PARD3B: variants seen among roughly 807,000 people sequenced by gnomAD.
The protein encoded by PARD3B is partitioning defective 3 homolog B.
PARD3B carries 103 observed loss-of-function variants against 130.2 expected under a neutral mutation model. The ratio of observed to expected loss-of-function variants is 0.79; its 90% CI spans 0.67 to 0.93. PARD3B has a LOEUF of 0.93. PARD3B is among the 40% of genes least tolerant of loss of function. The pLI, the probability that PARD3B is intolerant of heterozygous loss-of-function variation, is 0.00. For synonymous variants in PARD3B, 583 were observed against 553.2 expected (o/e 1.05, Z -0.76); for missense variants, 1,609 against 1,499.2 (o/e 1.07, Z -1.21).
At chr2:204,884,311 A>G (rs1193729971) in intron 2 of PARD3B, among the ~76,000 whole-genome samples, 3 of 152,236 alleles carry the variant, frequency 2.0e-5, no homozygotes, top group African/African-American at 7.2e-5. Context: ...GAAAAGCTTT[A>G]TAATTTGAAT....
rs184891342 is a variant in PARD3B, at chr2:205,238,770, T to G, written c.2141-7008T>G. ...TCACTTAAACCCAGGAGGCAGAGGT[T>G]GCAGTGAGCCAAGATCGCACCATTG... On this transcript the variant is annotated intron_variant, in intron 15 of 22. Transcript: ENST00000406610. Among the ~76,000 whole-genome samples, 239 of 141,548 alleles carry G rather than the reference T, an allele frequency of 1.7e-3. 1 individual carries two copies. The highest frequency in any genetic ancestry group is 2.7e-3 in the Non-Finnish European group (182 of 66,716). The allele number at this position is 141,548 out of a possible 152,430, so 92.9% of individuals were successfully genotyped here. A position where few individuals can be genotyped will look rare whatever the true frequency, so the allele number is the denominator to read the frequency against.
chr2:205,476,023 C>G (rs760910263), intron 20 of PARD3B, among the ~76,000 whole-genome samples: 10 of 152,164 alleles, frequency 6.6e-5, no homozygotes, highest in Admixed American at 1.3e-4. Context: ...CTTGTGATCA[C>G]AGTCGCTGTC....
At chr2:205,310,170 C>T (rs569400072) in intron 18 of PARD3B, among the ~76,000 whole-genome samples, 25 of 150,676 alleles carry the variant, frequency 1.7e-4, no homozygotes, top group Non-Finnish European at 3.4e-4. Flanking sequence ...TTGCAAGCTC[C>T]GCCTCCTGGG....
intron 3 of PARD3B, among the ~76,000 whole-genome samples, chr2:204,977,888 T>C (rs1692329582): frequency 6.6e-6 from 1 of 151,696 alleles, no homozygotes; most frequent in Non-Finnish European, 1.5e-5. Context: ...GAGAAAATTC[T>C]TACATATCTG....
In PARD3B at chr2:205,143,691, G is replaced by T. The variant is rs183067082; in HGVS notation, c.1435-15031G>T. ...TCAGTAGCCCGAGCCAGTATTTTAG[G>T]GCTCTGGAGCCACCTGAACAATCCC... On this transcript the variant is annotated intron_variant, in intron 10 of 22. Coordinates refer to ENST00000406610, the MANE Select transcript of PARD3B (RefSeq NM_001302769.2). Among the ~76,000 whole-genome samples, 4 of 152,202 alleles carry T rather than the reference G, an allele frequency of 2.6e-5. No individual in the cohort carries two copies. In the East Asian group the frequency reaches 7.7e-4, roughly 29 times the overall value.
chr2:205,247,823 G>C (rs2039634578), intron 16 of PARD3B, among the ~76,000 whole-genome samples: 1 of 152,154 alleles, frequency 6.6e-6, no homozygotes, highest in Admixed American at 6.5e-5. Context: ...TAAAACACTA[G>C]AAACGGTTCT....
rs1206390035 is a variant in PARD3B at position 205,440,399 on chromosome 2, A to C, written c.2771A>C (p.Glu924Ala). 5 of 1,613,898 alleles carry C rather than the reference A, an allele frequency of 3.1e-6. No individual in the cohort carries two copies. The highest frequency in any genetic ancestry group is 4.2e-6 in the Non-Finnish European group (5 of 1,179,916). ...RIGAKHQELR[E>A]KQARGLLDYA... is the part of the protein sequence containing the mutation. ...GGAGCAAAACATCAGGAGCTAAGGG[A>C]AAAGCAGGCAAGAGGTCTTCTTGAT... The change falls in exon 20 of 23, where the codon GAA becomes GCA. Residue 924 changes from glutamate (E) to alanine (A), a missense_variant. Physicochemically the swap from Glu to Ala is moderately radical, Grantham distance 107. Coordinates refer to ENST00000406610, the MANE Select transcript of PARD3B (RefSeq NM_001302769.2). This position sits in a 1 kb window ranked among gnomAD's most constrained non-coding sequence, Gnocchi z 4.2.
chr2:205,474,181 A>AAGAT (rs2048946121), intron 20 of PARD3B, among the ~76,000 whole-genome samples: 2 of 152,042 alleles, frequency 1.3e-5, no homozygotes, highest in African/African-American at 4.8e-5. Flanking sequence ...TTATTATTTA[A>AAGAT]AGATATACTT....
intron 2 of PARD3B, among the ~76,000 whole-genome samples, chr2:204,715,395 C>G (rs1289530883): frequency 6.6e-6 from 1 of 151,828 alleles, no homozygotes; most frequent in Non-Finnish European, 1.5e-5. Context: ...TAGATTTCAC[C>G]AGACAAGAAT....
In PARD3B at chr2:205,276,306, T is replaced by C. The variant is rs906767466; in HGVS notation, c.2186-24224T>C. Reference sequence around the variant, plus strand: ...GTGCTGACAGCCTTGGCAAACAACCTAGAGAGAAAATATGTCTTCTGAAAA... The same window carrying C: ...GTGCTGACAGCCTTGGCAAACAACCCAGAGAGAAAATATGTCTTCTGAAAA... On this transcript the variant is annotated intron_variant, in intron 16 of 22. Coordinates refer to ENST00000406610, the MANE Select transcript of PARD3B (RefSeq NM_001302769.2). The surrounding 1 kb of genome is among the most constrained non-coding windows in gnomAD (Gnocchi z 5.0). Among the ~76,000 whole-genome samples the C allele has an allele frequency of 2.0e-5, 3 of 152,194 alleles. No homozygotes were observed. Among genetic ancestry groups the C allele is most frequent in the African/African-American group, 7.2e-5 (3 of 41,452 alleles).
chr2:205,161,131 G>A (rs1335524181), intron 11 of PARD3B, among the ~76,000 whole-genome samples: 3 of 152,056 alleles, frequency 2.0e-5, no homozygotes, highest in South Asian at 2.1e-4. Flanking sequence ...ATGACTTTTC[G>A]GAAATTAAAA....
chr2:205,476,510 G>A (rs144924475), intron 20 of PARD3B, among the ~76,000 whole-genome samples: 287 of 152,208 alleles, frequency 1.9e-3, no homozygotes, highest in African/African-American at 6.5e-3. Context: ...GAAAGTTCTG[G>A]TGCTGTATCC....
At chr2:204,586,880 T>C (rs1397764075) in intron 1 of PARD3B, among the ~76,000 whole-genome samples, 1 of 152,214 alleles carries the variant, frequency 6.6e-6, no homozygotes, top group Non-Finnish European at 1.5e-5. Context: ...TGCTTATGAC[T>C]AAACCTGCTG....
rs114672056 is a variant in PARD3B at position 205,350,906 on chromosome 2, A to G, written c.2630+49205A>G. Among the ~76,000 whole-genome samples the G allele has an allele frequency of 4.0e-3, 605 of 152,306 alleles. 6 individuals carry two copies. The highest frequency in any genetic ancestry group is 6.5e-3 in the Non-Finnish European group (440 of 68,012). On this transcript the variant is annotated intron_variant, in intron 18 of 22. Coordinates refer to ENST00000406610, the MANE Select transcript of PARD3B (RefSeq NM_001302769.2). ...TTGACTTTTCTCGTTTTTAATTATTATTAATACTTAATAGTTAATTACTTA... is the reference window on the plus strand; with the variant it reads ...TTGACTTTTCTCGTTTTTAATTATTGTTAATACTTAATAGTTAATTACTTA...
chr2:205,394,227 T>G (rs1043594893), intron 18 of PARD3B, among the ~76,000 whole-genome samples: 2 of 152,140 alleles, frequency 1.3e-5, no homozygotes, highest in Admixed American at 6.5e-5. Flanking sequence ...GAGGTCTGTG[T>G]GGGGGGTTTT....
At chr2:205,217,866 G>GTA (rs2038017102) in intron 15 of PARD3B, among the ~76,000 whole-genome samples, 1 of 60,918 alleles carries the variant, frequency 1.6e-5, no homozygotes, top group South Asian at 5.8e-4. Context: ...GTGTGTGTGT[G>GTA]TGTATATATA....
chr2:205,433,532 C>T (rs1160572291), intron 19 of PARD3B, among the ~76,000 whole-genome samples: 1 of 110,248 alleles, frequency 9.1e-6, no homozygotes, highest in African/African-American at 3.5e-5. Flanking sequence ...GACTCTGTGT[C>T]AAAAAAAAAA....
chr2:205,219,185 C>G (rs1056316760), intron 15 of PARD3B, among the ~76,000 whole-genome samples: 3 of 152,030 alleles, frequency 2.0e-5, no homozygotes, highest in African/African-American at 7.2e-5. Context: ...GTTCGAGATT[C>G]TTAATATAAC....
At position 205,121,897 on chromosome 2, in the gene PARD3B, G is replaced by A. The variant is rs2030783997; in HGVS notation, c.1113G>A (p.Met371Ile). Residue 371 changes from methionine (M) to isoleucine (I), a missense_variant, in exon 8 of 23, where the codon ATG becomes ATA. Coordinates refer to ENST00000406610, the MANE Select transcript of PARD3B (RefSeq NM_001302769.2). The surrounding 1 kb of genome is among the most constrained non-coding windows in gnomAD (Gnocchi z 5.0). ...KPSSPSLSPL[M>I]GFGSNKNAKK... is the part of the protein sequence containing the mutation. ...CCTCTCCCTCACTCTCGCCTCTCAT[G>A]GGATTTGGCAGCAATAAAAATGCAA... 1 of 1,613,518 alleles carries A rather than the reference G, an allele frequency of 6.2e-7. No individual in the cohort carries two copies.
Sources: allele counts gnomAD v4.1 joint callset (sites outside exome capture counted in the v4.1 genomes callset), GRCh38; gene constraint gnomAD v4.1.1; non-coding constraint Gnocchi (gnomAD v3.1); transcripts MANE v1.5; gene names NCBI Gene and HGNC (gene_info 2026-07-23, HGNC 2026-07-21).